Variants in SATB2 observed in about 807,000 individuals in gnomAD.
SATB2 encodes SATB homeobox 2, also known as DNA-binding protein SATB2.
SATB2 carries 1 observed loss-of-function variant against 73.4 expected under a neutral mutation model. The observed-to-expected ratio is 0.01, with a 90% CI of 0.00 to 0.06. The LOEUF is 0.06. SATB2 is among the 10% of genes least tolerant of loss of function. SATB2 has a pLI of 1.00. For missense variants in SATB2, 459 were observed against 945.8 expected (o/e 0.49, Z 6.75); for synonymous variants, 397 against 367.0 (o/e 1.08, Z -0.93).
intron 10 of SATB2, among the ~76,000 whole-genome samples, chr2:199,285,884 T>TG (rs981859576): frequency 2.0e-5 from 3 of 150,764 alleles, no homozygotes; most frequent in African/African-American, 7.3e-5. Context: ...TCTGTTTTTT[T>TG]TTTTTTTTTT....
intron 6 of SATB2, among the ~76,000 whole-genome samples, chr2:199,350,361 C>T (rs181438596): frequency 2.6e-5 from 4 of 151,274 alleles, no homozygotes; most frequent in Admixed American, 6.6e-5. Flanking sequence ...AAAAAAAATA[C>T]TGAGTCTCAA....
intron 9 of SATB2, among the ~76,000 whole-genome samples, chr2:199,318,999 A>C (rs2105782732): frequency 6.6e-6 from 1 of 151,566 alleles, no homozygotes; most frequent in East Asian, 1.9e-4. Context: ...AGAACTTGAA[A>C]CTTTTTTTTT....
intron 3 of SATB2, among the ~76,000 whole-genome samples, chr2:199,387,536 A>C (rs1400080285): frequency 6.6e-6 from 1 of 152,238 alleles, no homozygotes; most frequent in Admixed American, 6.5e-5. Context: ...ATTTACAAGG[A>C]ATTTGTCATC....
At chr2:199,296,478 T>A (rs1381812256) in intron 10 of SATB2, among the ~76,000 whole-genome samples, 1 of 151,926 alleles carries the variant, frequency 6.6e-6, no homozygotes, top group Non-Finnish European at 1.5e-5. Flanking sequence ...ACTGCTTGAG[T>A]CCAGGAGTTC....
chr2:199,356,225 CAAAAAAAAAAAA>C (rs200509001), intron 6 of SATB2, among the ~76,000 whole-genome samples: 18 of 100,980 alleles, frequency 1.8e-4, no homozygotes, highest in African/African-American at 3.1e-4. Context: ...GAACATAAGC[CAAAAAAAAAAAA>C]AAAAAAAAAA....
rs1039139262 is a variant in SATB2, at chr2:199,463,918, A to C, written c.-141+918T>G. Reference sequence around the variant, plus strand: ...CAGGCAGCCGGGTGCAAGGGGGCCCAAACCGCAGTTGCCTCCCGAACGCTT... The same window carrying C: ...CAGGCAGCCGGGTGCAAGGGGGCCCCAACCGCAGTTGCCTCCCGAACGCTT... On this transcript the variant is annotated intron_variant, in intron 1 of 11. Coordinates refer to the SATB2 transcript ENST00000260926. The surrounding 1 kb of genome is among the most constrained non-coding windows in gnomAD (Gnocchi z 6.4). Among the ~76,000 whole-genome samples the C allele has an allele frequency of 5.3e-5, 8 of 152,274 alleles. No individual in the cohort carries two copies. Among genetic ancestry groups the C allele is most frequent in the African/African-American group, 1.9e-4 (8 of 41,582 alleles).
chr2:199,349,031 T>G lies in SATB2; in HGVS notation c.843A>C (p.Pro281=). The G allele has an allele frequency of 6.2e-7, 1 of 1,614,146 alleles. No individual in the cohort carries two copies. The highest frequency in any genetic ancestry group is 8.5e-7 in the Non-Finnish European group (1 of 1,179,994). ...SPHSQIHHST[P]IRNQVPALQP... is the part of the protein sequence containing the mutation. Reference sequence around the variant, plus strand: ...GTAATGCGGGCACTTGGTTTCGGATTGGAGTACTGTGGTGAATTTGGCTGT... The same window carrying G: ...GTAATGCGGGCACTTGGTTTCGGATGGGAGTACTGTGGTGAATTTGGCTGT... Residue 281 remains proline (P), a synonymous_variant, in exon 7 of 11, where the codon CCA becomes CCC. Coordinates refer to ENST00000417098, the MANE Select transcript of SATB2 (RefSeq NM_001172509.2).
intron 2 of SATB2, among the ~76,000 whole-genome samples, chr2:199,452,193 T>C (rs540612672): frequency 1.3e-5 from 2 of 152,120 alleles, no homozygotes; most frequent in Non-Finnish European, 2.9e-5. Context: ...AAATACACCA[T>C]CTGGTATATT....
chr2:199,395,584 C>T (rs1690276842), intron 3 of SATB2, among the ~76,000 whole-genome samples: 1 of 152,096 alleles, frequency 6.6e-6, no homozygotes, highest in African/African-American at 2.4e-5. Context: ...AAAAAAAATG[C>T]TTGTATAATA....
intron 3 of SATB2, among the ~76,000 whole-genome samples, chr2:199,387,775 A>G (rs1379177023): frequency 6.6e-6 from 1 of 152,222 alleles, no homozygotes; most frequent in Non-Finnish European, 1.5e-5. Flanking sequence ...CAAATAACAA[A>G]ATGCAATTGT....
intron 3 of SATB2, among the ~76,000 whole-genome samples, chr2:199,388,294 C>A (rs547669551): frequency 3.3e-5 from 5 of 152,136 alleles, no homozygotes; most frequent in Admixed American, 6.5e-5. Context: ...TTATGGAGCT[C>A]ACAATTGAGC....
intron 5 of SATB2, among the ~76,000 whole-genome samples, chr2:199,371,357 A>C (rs1371452338): frequency 6.6e-6 from 1 of 152,168 alleles, no homozygotes; most frequent in Non-Finnish European, 1.5e-5. Context: ...ACACTTAATT[A>C]ATGATACATA....
intron 2 of SATB2, among the ~76,000 whole-genome samples, chr2:199,443,044 CAG>C (rs1311735429): frequency 1.8e-5 from 2 of 112,688 alleles, no homozygotes; most frequent in East Asian, 5.5e-4. Context: ...TTTTTTGAGA[CAG>C]AGTCTCACTC....
intron 7 of SATB2, chr2:199,348,035 A>G (rs1353285311): frequency 6.6e-6 from 1 of 152,268 alleles, no homozygotes; most frequent in Non-Finnish European, 1.5e-5. Context: ...AAGAACTACT[A>G]GCAGAAAAGA....
At chr2:199,292,629 C>T (rs914934510) in intron 10 of SATB2, among the ~76,000 whole-genome samples, 5 of 152,252 alleles carry the variant, frequency 3.3e-5, no homozygotes, top group African/African-American at 1.2e-4. Context: ...ATCTGACTTC[C>T]TTTCTAAGCC....
At chr2:199,378,715 A>G (rs1471109584) in intron 5 of SATB2, among the ~76,000 whole-genome samples, 1 of 152,224 alleles carries the variant, frequency 6.6e-6, no homozygotes, top group Admixed American at 6.5e-5. Flanking sequence ...TATCTCAATA[A>G]TAATAGCTGA....
At chr2:199,329,992 T>C (rs914634230) in intron 7 of SATB2, among the ~76,000 whole-genome samples, 5 of 152,188 alleles carry the variant, frequency 3.3e-5, no homozygotes, top group African/African-American at 1.2e-4. Flanking sequence ...AGACCTGAGA[T>C]GTTAATCCCA....
chr2:199,323,644 T>G (rs954317839), intron 9 of SATB2, among the ~76,000 whole-genome samples, 159 bp downstream of exon 9: 1 of 152,014 alleles, frequency 6.6e-6, no homozygotes, highest in Admixed American at 6.6e-5. Flanking sequence ...TGAACTCCAA[T>G]GGGAATAAAA....
chr2:199,394,511 G>A (rs1690242100), intron 3 of SATB2, among the ~76,000 whole-genome samples: 1 of 152,066 alleles, frequency 6.6e-6, no homozygotes, highest in Non-Finnish European at 1.5e-5. Context: ...AAAGGCTGTG[G>A]GCCAGGCTCT....
Sources: gnomAD v4.1 joint callset for allele counts (sites outside exome capture counted in the v4.1 genomes callset) on GRCh38, gnomAD v4.1.1 for gene constraint, Gnocchi (gnomAD v3.1) non-coding constraint, MANE v1.5 for transcripts, NCBI Gene and HGNC (gene_info 2026-07-23, HGNC 2026-07-21) for gene names.